Variants in ELP4 observed in about 807,000 individuals in gnomAD.
ELP4 encodes the protein elongator acetyltransferase complex subunit 4.
ELP4 carries 51 observed loss-of-function variants against 48.9 expected under a neutral mutation model. That is an observed-to-expected ratio of 1.04 (90% CI 0.83 to 1.32). The LOEUF (loss-of-function observed/expected upper bound fraction) is 1.32, where lower values mean the gene tolerates loss of function less well. Ranked by LOEUF, ELP4 falls within the 40% of genes most tolerant of loss-of-function variation. The pLI, the probability that ELP4 is intolerant of heterozygous loss-of-function variation, is 0.00. For missense variants in ELP4, 519 were observed against 514.6 expected (o/e 1.01, Z -0.08); for synonymous variants, 210 against 189.2 (o/e 1.11, Z -0.90).
At chr11:31,637,099 T>A (rs976633939) in intron 7 of ELP4, among the ~76,000 whole-genome samples, 3 of 151,808 alleles carry the variant, frequency 2.0e-5, no homozygotes, top group South Asian at 2.1e-4. Context: ...TATGGACGGC[T>A]CCCCTATATT....
chr11:31,642,364 T>C (rs1393287200), intron 7 of ELP4, among the ~76,000 whole-genome samples: 3 of 151,848 alleles, frequency 2.0e-5, no homozygotes, highest in African/African-American at 7.2e-5. Context: ...AGAACCAATA[T>C]TTTCATATCA....
At chr11:31,589,244 T>C (rs967361533) in intron 3 of ELP4, among the ~76,000 whole-genome samples, 3 of 152,196 alleles carry the variant, frequency 2.0e-5, no homozygotes, top group African/African-American at 7.2e-5. Flanking sequence ...ACGGTGCTCA[T>C]TTTATAACAA....
chr11:31,747,202 T>C (rs1947614747), intron 9 of ELP4, among the ~76,000 whole-genome samples: 1 of 152,158 alleles, frequency 6.6e-6, no homozygotes, highest in African/African-American at 2.4e-5. Context: ...CAAGTGTTAA[T>C]TCTAATGCAA....
intron 9 of ELP4, among the ~76,000 whole-genome samples, chr11:31,745,180 C>A (rs576788903): frequency 6.6e-6 from 1 of 152,172 alleles, no homozygotes; most frequent in Admixed American, 6.5e-5. Flanking sequence ...ATCCAACTTA[C>A]AAGGGATGTC....
At chr11:31,615,961 T>C (rs560709997) in intron 5 of ELP4, among the ~76,000 whole-genome samples, 33 of 152,216 alleles carry the variant, frequency 2.2e-4, no homozygotes, top group African/African-American at 7.9e-4. Flanking sequence ...TGTCAAGTAC[T>C]ATTTTTATTT....
chr11:31,731,237 C>G (rs1947179604), intron 9 of ELP4, among the ~76,000 whole-genome samples: 1 of 151,924 alleles, frequency 6.6e-6, no homozygotes, highest in African/African-American at 2.4e-5. Context: ...AGAAACAAAC[C>G]CTTAAAAAAC....
intron 3 of ELP4, 142 bp downstream of exon 3, chr11:31,539,925 A>C: frequency 1.3e-5 from 8 of 621,312 alleles, no homozygotes; most frequent in Admixed American, 4.4e-5. Context: ...TTAAAATCTC[A>C]GTAAAAAGTA....
chr11:31,678,333 C>G (rs1042851741), intron 9 of ELP4, among the ~76,000 whole-genome samples: 1 of 152,028 alleles, frequency 6.6e-6, no homozygotes, highest in Non-Finnish European at 1.5e-5. Flanking sequence ...GCTGTGGTCC[C>G]AGCTACTCAG....
intron 9 of ELP4, among the ~76,000 whole-genome samples, chr11:31,734,954 A>G (rs573765811): frequency 1.3e-5 from 2 of 152,200 alleles, no homozygotes; most frequent in Non-Finnish European, 2.9e-5. Flanking sequence ...CCTGATTTTG[A>G]AACATATTAC....
At chr11:31,671,510 GATAA>G (rs1405178770) in intron 9 of ELP4, among the ~76,000 whole-genome samples, 2 of 152,088 alleles carry the variant, frequency 1.3e-5, no homozygotes, top group African/African-American at 2.4e-5. Context: ...AGACATTATA[GATAA>G]ATAGCTTACT....
chr11:31,557,131 C>T (rs1956943835), intron 3 of ELP4, among the ~76,000 whole-genome samples: 1 of 151,760 alleles, frequency 6.6e-6, no homozygotes, highest in African/African-American at 2.4e-5. Flanking sequence ...TAAAGCAATA[C>T]ATATAACATG....
intron 9 of ELP4, among the ~76,000 whole-genome samples, chr11:31,702,732 T>TA (rs531120300): frequency 4.3e-4 from 65 of 152,302 alleles, no homozygotes; most frequent in Middle Eastern, 3.4e-3. Flanking sequence ...ATTCTGGCTA[T>TA]AAAAAATCTC....
intron 9 of ELP4, among the ~76,000 whole-genome samples, chr11:31,749,281 G>A (rs1947666355): frequency 6.6e-6 from 1 of 152,332 alleles, no homozygotes; most frequent in African/African-American, 2.4e-5. Flanking sequence ...TTAAGTGTGA[G>A]TTTATGAAAG....
intron 7 of ELP4, 82 bp from the exon 8 acceptor site, chr11:31,647,659 T>G: frequency 7.8e-5 from 66 of 850,960 alleles, no homozygotes; most frequent in Middle Eastern, 3.2e-4. Context: ...CAGTTTTTCA[T>G]GAGATGGCAT....
intron 3 of ELP4, among the ~76,000 whole-genome samples, chr11:31,561,689 C>T (rs1173615924): frequency 6.6e-6 from 1 of 152,126 alleles, no homozygotes; most frequent in East Asian, 1.9e-4. Context: ...AGTGATCCTC[C>T]CACCTCAACC....
At chr11:31,569,445 C>G (rs1005899744) in intron 3 of ELP4, among the ~76,000 whole-genome samples, 1 of 152,190 alleles carries the variant, frequency 6.6e-6, no homozygotes, top group African/African-American at 2.4e-5. Flanking sequence ...TGAACAGACA[C>G]TTCTCAAAAG....
intron 5 of ELP4, among the ~76,000 whole-genome samples, chr11:31,610,800 G>A (rs182558036): frequency 6.6e-6 from 1 of 152,240 alleles, no homozygotes; most frequent in Non-Finnish European, 1.5e-5. Context: ...TCACTGGTAT[G>A]CATGGGTTTT....
Position 31,594,866 on chromosome 11 carries a change from A to G in ELP4, c.478A>G (p.Ile160Val). The G allele has an allele frequency of 2.6e-6, 4 of 1,565,234 alleles. No individual in the cohort carries two copies. The highest frequency in any genetic ancestry group is 2.4e-5 in the East Asian group (1 of 42,168). ...ACCAGAATCTAATATTAAGATGAAAATAGCTTGGCGTTACCAGTTATTACC... is the reference window on the plus strand; with the variant it reads ...ACCAGAATCTAATATTAAGATGAAAGTAGCTTGGCGTTACCAGTTATTACC... ...KTPESNIKMK[I>V]AWRYQLLPKM... is the part of the protein sequence containing the mutation. The change falls in exon 4 of 10, where the codon ATA (isoleucine) becomes GTA (valine). Residue 160 changes from isoleucine to valine, a missense_variant. Ile to Val is a conservative substitution (Grantham distance 29). Coordinates refer to ENST00000640961, the MANE Select transcript of ELP4 (RefSeq NM_019040.5).
At chr11:31,603,704 A>G (rs1957821428) in intron 4 of ELP4, 64 bp from the exon 5 acceptor site, 1 of 1,544,366 alleles carries the variant, frequency 6.5e-7, no homozygotes, top group African/African-American at 1.4e-5. Context: ...TGCTGGATGT[A>G]GGACAAATAA....
Sources: allele counts gnomAD v4.1 joint callset (sites outside exome capture counted in the v4.1 genomes callset), GRCh38; gene constraint gnomAD v4.1.1; transcripts MANE v1.5; gene names NCBI Gene and HGNC (gene_info 2026-07-23, HGNC 2026-07-21).